NAALADL2: variants seen among roughly 807,000 people sequenced by gnomAD.
NAALADL2 encodes the protein N-acetylated alpha-linked acidic dipeptidase like 2.
A neutral mutation model predicts 87.2 loss-of-function variants in NAALADL2; 76 were observed. That is an observed-to-expected ratio of 0.87 (90% CI 0.72 to 1.05). NAALADL2 has a LOEUF of 1.05. NAALADL2 is among the 50% of genes least tolerant of loss of function. The pLI is 0.00. For missense variants in NAALADL2, 1,089 were observed against 945.8 expected (o/e 1.15, Z -1.99); for synonymous variants, 354 against 331.0 (o/e 1.07, Z -0.75).
chr3:174,757,542 A>T (rs1304600504), intron 3 of NAALADL2, among the ~76,000 whole-genome samples: 1 of 151,708 alleles, frequency 6.6e-6, no homozygotes, highest in African/African-American at 2.4e-5. Flanking sequence ...CCCAGGCTGG[A>T]GTGCAGTGGC....
At chr3:174,807,013 A>G (rs999917948) in intron 3 of NAALADL2, among the ~76,000 whole-genome samples, 2 of 152,178 alleles carry the variant, frequency 1.3e-5, no homozygotes, top group Non-Finnish European at 2.9e-5. Flanking sequence ...TAATAAGTGA[A>G]AAAACTTGAA....
intron 1 of NAALADL2, among the ~76,000 whole-genome samples, chr3:174,548,934 G>C (rs553391390): frequency 6.6e-6 from 1 of 152,248 alleles, no homozygotes; most frequent in South Asian, 2.1e-4. Context: ...CAATCTCTCT[G>C]GGCTCAGCTG....
intron 3 of NAALADL2, among the ~76,000 whole-genome samples, chr3:174,836,708 CAAAAAAAAAAA>C (rs36091749): frequency 3.1e-5 from 2 of 65,386 alleles, no homozygotes; most frequent in African/African-American, 5.7e-5. Flanking sequence ...GACTCCGTCT[CAAAAAAAAAAA>C]AAAAAAAAAA....
At chr3:174,468,938 C>G (rs1054234969) in intron 1 of NAALADL2, among the ~76,000 whole-genome samples, 2 of 150,838 alleles carry the variant, frequency 1.3e-5, no homozygotes, top group African/African-American at 4.9e-5. Context: ...AAATTTTGTA[C>G]TTGTAGTAGT....
chr3:175,225,997 T>C (rs1231313364), intron 2 of NAALADL2, among the ~76,000 whole-genome samples: 6 of 152,160 alleles, frequency 3.9e-5, no homozygotes, highest in Admixed American at 3.3e-4. Flanking sequence ...GCTCTGGTTT[T>C]TAAATCAAGC....
intron 5 of NAALADL2, among the ~76,000 whole-genome samples, chr3:175,382,179 G>T (rs1767863259): frequency 6.6e-6 from 1 of 152,008 alleles, no homozygotes; most frequent in Admixed American, 6.6e-5. Flanking sequence ...AATGGTTCAA[G>T]GAAAGAGTCC....
intron 13 of NAALADL2, among the ~76,000 whole-genome samples, chr3:175,801,656 C>A (rs1403198854): frequency 4.6e-5 from 7 of 152,004 alleles, no homozygotes; most frequent in Non-Finnish European, 1.5e-5. Flanking sequence ...AGCAATATAT[C>A]ATCTGTTATA....
chr3:175,523,411 T>C (rs1376544772), intron 9 of NAALADL2, among the ~76,000 whole-genome samples: 1 of 152,208 alleles, frequency 6.6e-6, no homozygotes, highest in African/African-American at 2.4e-5. Flanking sequence ...TCTGCCCCTT[T>C]CTACCCAAAA....
At chr3:175,742,556 C>T (rs1224659116) in intron 12 of NAALADL2, among the ~76,000 whole-genome samples, 1 of 151,952 alleles carries the variant, frequency 6.6e-6, no homozygotes, top group East Asian at 1.9e-4. Context: ...CACCACCACA[C>T]CCGGCTAATT....
At chr3:174,449,989 T>TAC (rs1434436579) in intron 1 of NAALADL2, among the ~76,000 whole-genome samples, 1 of 150,640 alleles carries the variant, frequency 6.6e-6, no homozygotes, top group Non-Finnish European at 1.5e-5. Flanking sequence ...AGCATATATA[T>TAC]ACACACACAT....
chr3:175,479,759 A>G (rs1274195353), intron 9 of NAALADL2, among the ~76,000 whole-genome samples: 1 of 151,816 alleles, frequency 6.6e-6, no homozygotes, highest in African/African-American at 2.4e-5. Context: ...GAATCTCTCC[A>G]TAGTTACTAC....
intron 2 of NAALADL2, among the ~76,000 whole-genome samples, chr3:174,639,878 C>G (rs555278717): frequency 1.6e-3 from 239 of 152,238 alleles, no homozygotes; most frequent in African/African-American, 5.7e-3. Flanking sequence ...CAACTACCAC[C>G]TATATTAAAT....
intron 1 of NAALADL2, among the ~76,000 whole-genome samples, chr3:175,039,188 T>C (rs1012902067): frequency 3.2e-4 from 49 of 152,176 alleles, no homozygotes; most frequent in African/African-American, 1.2e-3. Context: ...GTTTCTGAGA[T>C]GGAGTTTTGC....
intron 5 of NAALADL2, among the ~76,000 whole-genome samples, chr3:175,435,516 A>T (rs1009009174): frequency 2.6e-5 from 4 of 152,082 alleles, no homozygotes; most frequent in Non-Finnish European, 2.9e-5. Context: ...ACATTTTAAC[A>T]TAATAATAAA....
intron 1 of NAALADL2, among the ~76,000 whole-genome samples, chr3:175,050,578 G>T (rs182192829): frequency 6.5e-4 from 99 of 152,210 alleles, no homozygotes; most frequent in African/African-American, 2.2e-3. Context: ...TGGGGCTATT[G>T]TTTTTATCAA....
Position 175,805,690 on chromosome 3 carries a change from G to A in NAALADL2, c.*2487G>A, listed in dbSNP as rs991086622. The A allele has an allele frequency of 1.3e-5, 2 of 151,740 alleles. No individual in the cohort carries two copies. The highest frequency in any genetic ancestry group is 2.4e-5 in the African/African-American group (1 of 41,368). The allele number at this position is 151,740 out of a possible 1,614,324, so 9.4% of individuals were successfully genotyped here. Reference sequence around the variant, plus strand: ...AGTAGGTTTAAGCTGTTGCTGAGTCGTCTATATGCCTGGTACTTCTCACAA... The same window carrying A: ...AGTAGGTTTAAGCTGTTGCTGAGTCATCTATATGCCTGGTACTTCTCACAA... On this transcript the variant is annotated 3_prime_UTR_variant, in exon 14 of 14. Transcript: ENST00000454872.
chr3:174,950,168 C>T (rs867588468), intron 1 of NAALADL2, among the ~76,000 whole-genome samples: 1 of 151,978 alleles, frequency 6.6e-6, no homozygotes, highest in African/African-American at 2.4e-5. Context: ...TACAGAGAAA[C>T]TTTGGTCGCC....
chr3:175,112,913 G>T (rs1724449359), intron 2 of NAALADL2, among the ~76,000 whole-genome samples: 1 of 151,592 alleles, frequency 6.6e-6, no homozygotes. Context: ...GGCTATGAAT[G>T]CTTTAGATAC....
chr3:175,607,146 A>C (rs1313189907), intron 10 of NAALADL2, among the ~76,000 whole-genome samples: 2 of 152,222 alleles, frequency 1.3e-5, no homozygotes, highest in Non-Finnish European at 2.9e-5. Flanking sequence ...TGTTTTTCAG[A>C]TGAGTGTTCC....
Sources: gnomAD v4.1 joint callset for allele counts (sites outside exome capture counted in the v4.1 genomes callset) on GRCh38, gnomAD v4.1.1 for gene constraint, MANE v1.5 for transcripts, NCBI Gene and HGNC (gene_info 2026-07-23, HGNC 2026-07-21) for gene names.